The following LBR variants were observed in gnomAD, a reference collection of about 807,000 sequenced individuals.
LBR encodes the protein lamin B receptor, also known as delta(14)-sterol reductase LBR.
Under a neutral mutation model 74.3 loss-of-function variants are expected in LBR, and 28 were observed. The ratio of observed to expected loss-of-function variants is 0.38; its 90% CI spans 0.28 to 0.52. LBR has a LOEUF of 0.52. LBR is among the 20% of genes least tolerant of loss of function. The probability of loss-of-function intolerance (pLI) is 0.89; values close to 1 mark genes in which losing one functional copy is unlikely to be tolerated. For synonymous variants in LBR, 228 were observed against 269.3 expected, an observed-to-expected ratio of 0.85 and a Z score of 1.50; for missense variants, 717 against 760.3, an observed-to-expected ratio of 0.94 and a Z score of 0.67.
At chr1:225,414,850 G>T (rs1249040850) in intron 7 of LBR, among the ~76,000 whole-genome samples, 1 of 152,340 alleles carries the variant, frequency 6.6e-6, no homozygotes, top group African/African-American at 2.4e-5. Flanking sequence ...TGAAGATGCA[G>T]GTGTCAGACG....
rs555386914 is a variant in LBR, at chr1:225,419,673, GA to G, written c.450+41del. ...GAGAGTCACTTTTAACCAAAAAAAA[GA>G]AAAAAAAAAACAACCAAGATGAAAG... On this transcript the variant is annotated intron_variant, in intron 4 of 13. Transcript: ENST00000272163. 6,361 of 1,105,084 alleles carry G rather than the reference GA, an allele frequency of 5.8e-3. 1 individual carries two copies. The highest frequency in any genetic ancestry group is 6.6e-3 in the Non-Finnish European group (5,232 of 794,728). 68.5% of individuals were successfully genotyped at this position (1,105,084 alleles called of 1,614,324 possible).
chr1:225,424,135 T>C (rs2096134489), intron 1 of LBR, 46 bp from the exon 2 acceptor site: 1 of 1,399,196 alleles, frequency 7.1e-7, no homozygotes, highest in Non-Finnish European at 1.0e-6. Context: ...CATACACATT[T>C]ATGTATTCGT....
In LBR at chr1:225,418,823, C is replaced by A. The variant is rs750810491; in HGVS notation, c.640+440G>T. Reference sequence around the variant, plus strand: ...AGATCTTTGACCCTCACAATCAACCCGCCTAGCAGGTAGGGCAGCCTCCGG... The same window carrying A: ...AGATCTTTGACCCTCACAATCAACCAGCCTAGCAGGTAGGGCAGCCTCCGG... On this transcript the variant is annotated intron_variant, in intron 5 of 13. Transcript: ENST00000272163. 2.0e-5 allele frequency among the ~76,000 whole-genome samples: 3 copies of A among 152,304 alleles called. No individual in the cohort carries two copies. The East Asian group carries it at 5.8e-4, about 29-fold the overall frequency.
intron 7 of LBR, chr1:225,414,137 A>G (rs1346944989): frequency 6.6e-6 from 3 of 456,626 alleles, no homozygotes; most frequent in Non-Finnish European, 1.3e-5. Flanking sequence ...TAAAAGCAAC[A>G]AAAAGTCTAA....
chr1:225,424,185 A>G, intron 1 of LBR, 96 bp from the exon 2 acceptor site: 1 of 961,194 alleles, frequency 1.0e-6, no homozygotes, highest in East Asian at 2.4e-5. Context: ...AACTTTCCAG[A>G]ATTGACTGGT....
Position 225,419,296 on chromosome 1 carries a change from G to A in LBR, c.607C>T (p.Arg203Trp), listed in dbSNP as rs775167348. The part of the protein sequence containing the change: ...AVRTFEVTPI[R>W]AKDLEFGGVP... Reference sequence around the variant, plus strand: ...CCTCCAAACTCCAAGTCCTTTGCCCGGATGGGGGTCACTTCAAAGGTTCTC... The same window carrying A: ...CCTCCAAACTCCAAGTCCTTTGCCCAGATGGGGGTCACTTCAAAGGTTCTC... Residue 203 changes from arginine (R) to tryptophan (W), a missense_variant, in exon 5 of 14, where the codon CGG becomes TGG. Arg to Trp is a moderately radical substitution (Grantham distance 101). Coordinates refer to ENST00000272163, the MANE Select transcript of LBR (RefSeq NM_002296.4). 1.4e-5 allele frequency: 22 copies of A among 1,614,060 alleles called. No individual in the cohort carries two copies. Among genetic ancestry groups the A allele is most frequent in the African/African-American group, 5.3e-5 (4 of 74,920 alleles).
chr1:225,413,836 A>T, intron 7 of LBR: 1 of 390,346 alleles, frequency 2.6e-6, no homozygotes, highest in Non-Finnish European at 5.1e-6. Context: ...GGATCAAGCA[A>T]CTTGGCCAGC....
In LBR at chr1:225,406,769, C is replaced by G; in HGVS notation, c.1378G>C (p.Asp460His). ...DGFGFMLAFG[D>H]LVWVPFIYSF... ...TAAATAAAGGGAACCCACACCAAGTCTCCAAAAGCCAGCATGAATCCAAAT... is the reference window on the plus strand; with the variant it reads ...TAAATAAAGGGAACCCACACCAAGTGTCCAAAAGCCAGCATGAATCCAAAT... Residue 460 changes from aspartate (D) to histidine (H), a missense_variant, in exon 11 of 14, where the codon GAC becomes CAC. Transcript: ENST00000272163. 3 of 1,614,182 alleles carry G rather than the reference C, an allele frequency of 1.9e-6. No individual in the cohort carries two copies. Among genetic ancestry groups the G allele is most frequent in the Non-Finnish European group, 2.5e-6 (3 of 1,180,020 alleles).
In LBR at chr1:225,417,830, C is replaced by T. The variant is rs2096120383; in HGVS notation, c.837+154G>A. The T allele has an allele frequency of 4.3e-6, 3 of 696,806 alleles. No individual in the cohort carries two copies. The Admixed American group carries it at 7.2e-5, about 17-fold the overall frequency. The allele number at this position is 696,806 out of a possible 1,614,324, so 43.2% of individuals were successfully genotyped here. A position where few individuals can be genotyped will look rare whatever the true frequency, so the allele number is the denominator to read the frequency against. On this transcript the variant is annotated intron_variant, in intron 6 of 13. Transcript: ENST00000272163. ...ACAACAGCCTTTAACCTTTAAACTA[C>T]TCTAAGGCTGGGCAGCATGGCACAG...
At chr1:225,405,115 T>C (rs1418223146) in intron 11 of LBR, among the ~76,000 whole-genome samples, 2 of 152,214 alleles carry the variant, frequency 1.3e-5, no homozygotes, top group African/African-American at 4.8e-5. Flanking sequence ...ACAAGCTATA[T>C]CATCTGTTAG....
intron 6 of LBR, among the ~76,000 whole-genome samples, chr1:225,417,251 G>C (rs975188809): frequency 6.6e-6 from 1 of 152,134 alleles, no homozygotes; most frequent in Admixed American, 6.5e-5. Flanking sequence ...GCATTCACCA[G>C]TAAAACCGAT....
At chr1:225,423,821 C>G in intron 2 of LBR, 90 bp downstream of exon 2, 3 of 1,281,058 alleles carry the variant, frequency 2.3e-6, no homozygotes, top group Admixed American at 3.4e-5. Flanking sequence ...TCAAACCGAG[C>G]TGAACTGACT....
At chr1:225,419,610 GT>G (rs1558656458) in intron 4 of LBR, 104 bp downstream of exon 4, 2 of 1,053,784 alleles carry the variant, frequency 1.9e-6, no homozygotes, top group African/African-American at 1.6e-5. Context: ...TTTAGAACAG[GT>G]TATAAAATAT....
At chr1:225,407,422 T>C (rs1361990689) in intron 10 of LBR, among the ~76,000 whole-genome samples, 1 of 152,248 alleles carries the variant, frequency 6.6e-6, no homozygotes, top group African/African-American at 2.4e-5. Context: ...TTTCTGTTCA[T>C]AATCTGGCAT....
Position 225,415,275 on chromosome 1 carries a change from C to T in LBR, c.892+3G>A, listed in dbSNP as rs1442524806. 5.7e-6 allele frequency: 9 copies of T among 1,576,524 alleles called. No homozygotes were observed. Among genetic ancestry groups the T allele is most frequent in the Non-Finnish European group, 7.0e-6 (8 of 1,150,134 alleles). On this transcript the variant is annotated splice_donor_region_variant and intron_variant, in intron 7 of 13. Transcript: ENST00000272163. ...AATTTGAGTCTTAAAAAAAGAAAAT[C>T]ACCATTTAATCTATACTTGAGTCTT...
chr1:225,422,806 C>T (rs1055544850), intron 2 of LBR, among the ~76,000 whole-genome samples: 3 of 152,210 alleles, frequency 2.0e-5, no homozygotes, highest in Non-Finnish European at 4.4e-5. Flanking sequence ...AGGCCAAGTC[C>T]CTCACCCCAA....
At chr1:225,418,218 A>C in intron 5 of LBR, 38 bp from the exon 6 acceptor site, 3 of 1,573,470 alleles carry the variant, frequency 1.9e-6, no homozygotes, top group Non-Finnish European at 1.7e-6. Flanking sequence ...CTCAAATTTC[A>C]ATCTGGTTTA....
At chr1:225,420,092 G>C (rs1558656793) in intron 3 of LBR, among the ~76,000 whole-genome samples, 1 of 152,066 alleles carries the variant, frequency 6.6e-6, no homozygotes. Context: ...TGGATCACCT[G>C]AGGTCAGGAG....
At chr1:225,404,365 G>A (rs571780717) in intron 13 of LBR, 39 bp downstream of exon 13, 19 of 1,612,658 alleles carry the variant, frequency 1.2e-5, no homozygotes, top group Non-Finnish European at 1.5e-5. Context: ...CTTTCTGGCG[G>A]CTAAAAGGGT....
Sources: gnomAD v4.1 joint callset for allele counts (sites outside exome capture counted in the v4.1 genomes callset) on GRCh38, gnomAD v4.1.1 for gene constraint, MANE v1.5 for transcripts, NCBI Gene and HGNC (gene_info 2026-07-23, HGNC 2026-07-21) for gene names.